GPATCH1: variants seen among roughly 807,000 people sequenced by gnomAD.
GPATCH1 encodes G-patch domain containing 1.
In GPATCH1, 73 loss-of-function variants were observed where a neutral mutation model predicts 114.9. The ratio of observed to expected loss-of-function variants is 0.64; its 90% CI spans 0.53 to 0.77. The LOEUF (loss-of-function observed/expected upper bound fraction) is 0.77, where lower values mean the gene tolerates loss of function less well. GPATCH1 is among the 30% of genes least tolerant of loss of function. The pLI is 0.00. For missense variants in GPATCH1, 1,058 were observed against 1,144.3 expected, an observed-to-expected ratio of 0.92 and a Z score of 1.09; for synonymous variants, 391 against 428.4, an observed-to-expected ratio of 0.91 and a Z score of 1.08.
chr19:33,103,226 G>A (rs1972746464), intron 9 of GPATCH1, among the ~76,000 whole-genome samples: 1 of 152,208 alleles, frequency 6.6e-6, no homozygotes, highest in Admixed American at 6.5e-5. Flanking sequence ...GGATTGGCCT[G>A]TGCTTGTCTG....
intron 1 of GPATCH1, among the ~76,000 whole-genome samples, chr19:33,082,521 G>T (rs1282640674): frequency 6.6e-6 from 1 of 152,086 alleles, no homozygotes; most frequent in Non-Finnish European, 1.5e-5. Context: ...GCTGGATACT[G>T]GCCCTTCTTC....
rs544103919 is a variant in GPATCH1 at position 33,098,420 on chromosome 19, A to G, written c.1000+518A>G. On this transcript the variant is annotated intron_variant, in intron 8 of 19. Transcript: ENST00000170564. ...GCTGACATCTCTCAACACAACTTTA[A>G]CTTCATGCTGTGTTGAAATTTCAAG... Among the ~76,000 whole-genome samples, 5 of 152,320 alleles carry G rather than the reference A, an allele frequency of 3.3e-5. No individual in the cohort carries two copies. In the South Asian group the frequency reaches 1.0e-3, roughly 32 times the overall value.
chr19:33,111,097 A>G (rs970760769), intron 11 of GPATCH1, among the ~76,000 whole-genome samples: 10 of 151,124 alleles, frequency 6.6e-5, no homozygotes, highest in Middle Eastern at 3.2e-3. Context: ...GCTCACTGCA[A>G]TCTCAGCTCA....
At chr19:33,125,239 G>C in intron 18 of GPATCH1, 37 bp downstream of exon 18, 2 of 1,568,436 alleles carry the variant, frequency 1.3e-6, no homozygotes, top group Non-Finnish European at 1.7e-6. Flanking sequence ...TCAGTGTGGG[G>C]TGGGACCCGC....
chr19:33,127,012 G>C (rs1973049240), intron 19 of GPATCH1, among the ~76,000 whole-genome samples: 1 of 151,542 alleles, frequency 6.6e-6, no homozygotes. Context: ...GTGCACACCT[G>C]TGCCTCCAGC....
Position 33,109,955 on chromosome 19 carries a change from A to G in GPATCH1, c.1524A>G (p.Lys508=). 1 of 1,614,118 alleles carries G rather than the reference A, an allele frequency of 6.2e-7. No individual in the cohort carries two copies. The highest frequency in any genetic ancestry group is 8.5e-7 in the Non-Finnish European group (1 of 1,179,994). ...CCAGCAACTTCAAGCCTTTCGCCAA[A>G]GATCCGGAAAAGCAAAAGCGATACG... The part of the protein sequence containing the change: ...LKASNFKPFA[K]DPEKQKRYDE... Residue 508 remains lysine (K), a synonymous_variant, in exon 11 of 20, where the codon AAA becomes AAG. Coordinates refer to ENST00000170564, the MANE Select transcript of GPATCH1 (RefSeq NM_018025.3).
chr19:33,119,421 C>T (rs1360719177), intron 17 of GPATCH1, among the ~76,000 whole-genome samples: 4 of 152,088 alleles, frequency 2.6e-5, no homozygotes, highest in Admixed American at 6.6e-5. Context: ...AGAGCCTGGC[C>T]GGGCACAGTG....
chr19:33,106,648 A>G (rs1189232975), intron 9 of GPATCH1, 47 bp from the exon 10 acceptor site: 3 of 1,471,100 alleles, frequency 2.0e-6, no homozygotes, highest in Admixed American at 3.4e-5. Flanking sequence ...TAAATCAAAC[A>G]TGATCTTGCA....
At chr19:33,093,555 C>T in intron 4 of GPATCH1, 36 bp downstream of exon 4, 1 of 1,580,990 alleles carries the variant, frequency 6.3e-7, no homozygotes, top group Non-Finnish European at 8.6e-7. Context: ...GATCTTAGCA[C>T]CGGTGTTTTG....
Position 33,125,920 on chromosome 19 carries a change from G to A in GPATCH1, c.2620-668G>A, listed in dbSNP as rs572531737. Among the ~76,000 whole-genome samples, 9 of 152,266 alleles carry A rather than the reference G, an allele frequency of 5.9e-5. No individual in the cohort carries two copies. The South Asian group carries it at 8.3e-4, about 14-fold the overall frequency. The stretch of plus-strand genomic sequence containing the variant: ...GCAGGCATGTGCTCCCACTGTTGAC[G>A]TCTCTTATTTCATCAACCATGTCTT... On this transcript the variant is annotated intron_variant, in intron 18 of 19. Transcript: ENST00000170564.
chr19:33,112,115 G>A (rs1000087756), intron 12 of GPATCH1, among the ~76,000 whole-genome samples: 10 of 151,912 alleles, frequency 6.6e-5, no homozygotes, highest in African/African-American at 2.2e-4. Flanking sequence ...ACAGGCGCTC[G>A]CCACAACAGC....
chr19:33,126,448 C>G (rs974724178), intron 18 of GPATCH1, 140 bp from the exon 19 acceptor site: 5 of 1,263,032 alleles, frequency 4.0e-6, no homozygotes, highest in Non-Finnish European at 5.4e-6. Flanking sequence ...TTGTTAGGCT[C>G]TCACTCTCAC....
At chr19:33,093,157 C>T (rs572083107) in intron 3 of GPATCH1, among the ~76,000 whole-genome samples, 13 of 152,100 alleles carry the variant, frequency 8.5e-5, no homozygotes, top group Admixed American at 1.3e-4. Context: ...CACTGCACTC[C>T]GGCCTGGGCA....
chr19:33,114,176 T>A, intron 14 of GPATCH1, 77 bp from the exon 15 acceptor site: 1 of 1,297,746 alleles, frequency 7.7e-7, no homozygotes. Context: ...ACATTCTGAG[T>A]GAATGAAAGA....
intron 8 of GPATCH1, among the ~76,000 whole-genome samples, chr19:33,100,586 CAAAAAAAAAAAA>C (rs10609716): frequency 1.6e-5 from 1 of 62,198 alleles, no homozygotes; most frequent in Non-Finnish European, 3.2e-5. Context: ...GACTCCATCT[CAAAAAAAAAAAA>C]AAAAAAAAAA....
chr19:33,120,567 A>AAAT, intron 17 of GPATCH1, among the ~76,000 whole-genome samples: 1 of 136,982 alleles, frequency 7.3e-6, no homozygotes, highest in Non-Finnish European at 1.6e-5. Context: ...AAAAAAAAAA[A>AAAT]GGTAAAAGAG....
Position 33,096,229 on chromosome 19 carries a change from C to T in GPATCH1, c.635C>T (p.Pro212Leu), listed in dbSNP as rs1568340646. 6.2e-7 allele frequency: 1 copy of T among 1,613,746 alleles called. No homozygotes were observed. The highest frequency in any genetic ancestry group is 1.7e-5 in the Admixed American group (1 of 59,980). ...GSEGEDDDYL[P>L]DNVTFAPKDV... The stretch of plus-strand genomic sequence containing the variant: ...TAGGGTGAAGATGATGACTACTTGC[C>T]TGATAATGTGACCTTTGCACCCAAA... The change falls in exon 7 of 20, where the codon CCT becomes CTT. Residue 212 changes from proline (P) to leucine (L), a missense_variant. Around this residue, in one of 3 missense-constraint regions of GPATCH1, gnomAD observed 893 missense variants for 977.4 expected, o/e 0.91. Transcript: ENST00000170564.
At chr19:33,110,981 T>A (rs1331495383) in intron 11 of GPATCH1, among the ~76,000 whole-genome samples, 1 of 148,572 alleles carries the variant, frequency 6.7e-6, no homozygotes, top group Non-Finnish European at 1.5e-5. Flanking sequence ...TATATATGTA[T>A]ATATAAAATA....
chr19:33,108,318 C>A (rs1366373686), intron 10 of GPATCH1, among the ~76,000 whole-genome samples: 1 of 152,186 alleles, frequency 6.6e-6, no homozygotes, highest in Non-Finnish European at 1.5e-5. Context: ...CCCACGAGGC[C>A]CTGTGCGGCC....
Sources: gnomAD v4.1 joint callset for allele counts (sites outside exome capture counted in the v4.1 genomes callset) on GRCh38, gnomAD v4.1.1 for gene constraint, gnomAD v4.1.1 regional missense constraint, MANE v1.5 for transcripts, NCBI Gene and HGNC (gene_info 2026-07-23, HGNC 2026-07-21) for gene names.